GOLM1: variants seen among roughly 807,000 people sequenced by gnomAD.
GOLM1 encodes the protein epididymis luminal protein 46.
A neutral mutation model predicts 50.5 loss-of-function variants in GOLM1; 31 were observed. The ratio of observed to expected loss-of-function variants is 0.61; its 90% CI spans 0.46 to 0.83. The LOEUF (loss-of-function observed/expected upper bound fraction) is 0.83, where lower values mean the gene tolerates loss of function less well. Among genes scored for constraint, GOLM1 ranks in the 40% least tolerant of loss-of-function variants. The pLI is 0.00. For missense variants in GOLM1, 491 were observed against 501.3 expected (o/e 0.98, Z 0.20); for synonymous variants, 178 against 192.8 (o/e 0.92, Z 0.64).
Position 86,026,566 on chromosome 9 carries a change from TG to T in GOLM1, c.*1250del. On this transcript the variant is annotated 3_prime_UTR_variant, in exon 10 of 10. Coordinates refer to ENST00000388712, the MANE Select transcript of GOLM1 (RefSeq NM_016548.4). ...TAAGAGGGTTGGATCAAACGATCTC[TG>T]GGGCCTTAGCATCTCAAATCCTGTG... is the stretch of plus-strand genomic sequence containing the variant. The T allele has an allele frequency of 1.1e-6, 1 of 918,886 alleles. No individual in the cohort carries two copies. The highest frequency in any genetic ancestry group is 5.0e-5 in the South Asian group (1 of 19,978). The allele number at this position is 918,886 out of a possible 1,614,324, so 56.9% of individuals were successfully genotyped here. A position where few individuals can be genotyped will look rare whatever the true frequency, so the allele number is the denominator to read the frequency against.
At position 86,077,335 on chromosome 9, in the gene GOLM1, C is replaced by T. The variant is rs1834648872; in HGVS notation, c.309+77G>A. 36 of 1,198,526 alleles carry T rather than the reference C, an allele frequency of 3.0e-5. No homozygotes were observed. The South Asian group carries it at 4.4e-4, about 15-fold the overall frequency. 74.2% of individuals were successfully genotyped at this position (1,198,526 alleles called of 1,614,324 possible). A position where few individuals can be genotyped will look rare whatever the true frequency, so the allele number is the denominator to read the frequency against. ...AATCTAAACCCAGCCGCTTGCTCAT[C>T]CTCCCGCCAAGAAGAAACAGACAAT... On this transcript the variant is annotated intron_variant, in intron 3 of 9. Transcript: ENST00000388712.
chr9:86,036,562 G>T (rs933119344), intron 6 of GOLM1, 55 bp from the exon 7 acceptor site: 7 of 1,574,402 alleles, frequency 4.4e-6, no homozygotes, highest in Non-Finnish European at 6.1e-6. Flanking sequence ...AACAGAAGCC[G>T]TAAAAGAATC....
chr9:86,093,646 T>C (rs532399846), intron 1 of GOLM1, among the ~76,000 whole-genome samples: 10 of 150,470 alleles, frequency 6.6e-5, no homozygotes, highest in African/African-American at 2.5e-4. Context: ...AATTTAAAAA[T>C]TCAACCTATT....
intron 9 of GOLM1, among the ~76,000 whole-genome samples, chr9:86,028,843 T>C (rs1043301525): frequency 2.8e-5 from 2 of 71,426 alleles, no homozygotes; most frequent in Admixed American, 1.3e-4. Context: ...ATAAGGGAAC[T>C]TTTTTTTTTT....
chr9:86,091,055 C>A (rs556751809), intron 1 of GOLM1, among the ~76,000 whole-genome samples: 2 of 152,290 alleles, frequency 1.3e-5, no homozygotes, highest in South Asian at 4.1e-4. Context: ...CGATGCCCCA[C>A]CCTGCTTCTG....
At chr9:86,097,346 T>G (rs1355172085) in intron 1 of GOLM1, among the ~76,000 whole-genome samples, 1 of 152,216 alleles carries the variant, frequency 6.6e-6, no homozygotes, top group African/African-American at 2.4e-5. Flanking sequence ...TTTAAAAAAT[T>G]GTTTTGTTTT....
chr9:86,073,480 C>T (rs192683568), intron 3 of GOLM1, among the ~76,000 whole-genome samples: 2 of 152,284 alleles, frequency 1.3e-5, no homozygotes. Flanking sequence ...ATAAGCTGAA[C>T]AGATCATTCT....
At chr9:86,053,379 C>T (rs533499952) in intron 3 of GOLM1, among the ~76,000 whole-genome samples, 1,848 of 132,054 alleles carry the variant, frequency 0.014, 39 homozygotes, top group African/African-American at 0.047. Context: ...ACACCACACA[C>T]ACCAAACCAC....
intron 4 of GOLM1, among the ~76,000 whole-genome samples, chr9:86,048,043 C>T (rs1342334402): frequency 2.5e-5 from 3 of 118,368 alleles, no homozygotes; most frequent in Non-Finnish European, 3.3e-5. Flanking sequence ...CCCCACCCCA[C>T]GACACGCCCC....
At chr9:86,086,892 C>T (rs1271158520) in intron 1 of GOLM1, among the ~76,000 whole-genome samples, 3 of 152,172 alleles carry the variant, frequency 2.0e-5, no homozygotes, top group South Asian at 4.1e-4. Flanking sequence ...AGCATGATGC[C>T]TCCAGCTTTG....
chr9:86,088,691 T>C (rs1835074448), intron 1 of GOLM1, among the ~76,000 whole-genome samples: 1 of 151,310 alleles, frequency 6.6e-6, no homozygotes, highest in South Asian at 2.1e-4. Context: ...GAATACAGCA[T>C]ACCTATGGGT....
chr9:86,031,470 T>TC (rs1832980685), intron 9 of GOLM1, among the ~76,000 whole-genome samples: 1 of 144,286 alleles, frequency 6.9e-6, no homozygotes, highest in East Asian at 2.0e-4. Flanking sequence ...TTTTTTTTTT[T>TC]TTTTCCCCGA....
intron 1 of GOLM1, among the ~76,000 whole-genome samples, chr9:86,094,615 G>A (rs893754073): frequency 2.6e-5 from 4 of 152,156 alleles, no homozygotes; most frequent in Admixed American, 2.6e-4. Flanking sequence ...ATTTTCTGAA[G>A]AAAGGTTGAA....
At chr9:86,048,269 A>T (rs1381521906) in intron 4 of GOLM1, among the ~76,000 whole-genome samples, 2 of 152,028 alleles carry the variant, frequency 1.3e-5, no homozygotes, top group African/African-American at 4.8e-5. Flanking sequence ...AATCCAGTCT[A>T]TCACTGTTGG....
intron 4 of GOLM1, among the ~76,000 whole-genome samples, chr9:86,049,899 C>CTTCT (rs963313082): frequency 6.6e-6 from 1 of 152,184 alleles, no homozygotes; most frequent in Non-Finnish European, 1.5e-5. Context: ...ACTTCCAACA[C>CTTCT]TATGTTGAAT....
At chr9:86,093,296 G>C (rs1474241563) in intron 1 of GOLM1, among the ~76,000 whole-genome samples, 1 of 149,194 alleles carries the variant, frequency 6.7e-6, no homozygotes, top group African/African-American at 2.5e-5. Flanking sequence ...AGAATCGCTT[G>C]AACTTGGGAG....
At position 86,027,774 on chromosome 9, in the gene GOLM1, C is replaced by A; in HGVS notation, c.*43G>T. ...CAGTCCCTCATGAACATTTTATAGT[C>A]ATCTCTTCGGCCCTGTTGTGAAATA... On this transcript the variant is annotated 3_prime_UTR_variant, in exon 10 of 10. Coordinates refer to ENST00000388712, the MANE Select transcript of GOLM1 (RefSeq NM_016548.4). The A allele has an allele frequency of 6.3e-7, 1 of 1,597,360 alleles. No homozygotes were observed. The highest frequency in any genetic ancestry group is 8.5e-7 in the Non-Finnish European group (1 of 1,172,488).
At chr9:86,031,947 A>G (rs867282271) in intron 9 of GOLM1, among the ~76,000 whole-genome samples, 443 of 150,708 alleles carry the variant, frequency 2.9e-3, no homozygotes, top group East Asian at 0.013. Flanking sequence ...AAAAAAAAAA[A>G]AAAGACGCCA....
intron 3 of GOLM1, among the ~76,000 whole-genome samples, chr9:86,062,303 G>A (rs1834183006): frequency 6.6e-6 from 1 of 152,104 alleles, no homozygotes; most frequent in African/African-American, 2.4e-5. Context: ...CAGGGTTGAT[G>A]GCGAGGGGGC....
Sources: allele counts gnomAD v4.1 joint callset (sites outside exome capture counted in the v4.1 genomes callset), GRCh38; gene constraint gnomAD v4.1.1; transcripts MANE v1.5; gene names NCBI Gene and HGNC (gene_info 2026-07-23, HGNC 2026-07-21).